The following SNX29 variants were observed in gnomAD, a reference collection of about 807,000 sequenced individuals.
SNX29 encodes sorting nexin-29.
In SNX29, 78 loss-of-function variants were observed where a neutral mutation model predicts 102.1. That is an observed-to-expected ratio of 0.76 (90% CI 0.64 to 0.92). SNX29 has a LOEUF of 0.92. Ranked by LOEUF, SNX29 falls within the 40% of genes least tolerant of loss-of-function variation. SNX29 has a pLI of 0.00. For synonymous variants in SNX29, 580 were observed against 414.5 expected, an observed-to-expected ratio of 1.40 and a Z score of -4.85; for missense variants, 1,280 against 1,061.7, an observed-to-expected ratio of 1.21 and a Z score of -2.86.
intron 4 of SNX29, chr16:12,027,812 C>T (rs1325277356): frequency 5.9e-6 from 1 of 168,858 alleles, no homozygotes; most frequent in Admixed American, 5.8e-5. Context: ...GTCTTCCATA[C>T]CAGCAACAGA....
chr16:12,232,888 C>T (rs898418114), intron 14 of SNX29, among the ~76,000 whole-genome samples: 4 of 152,216 alleles, frequency 2.6e-5, no homozygotes, highest in Non-Finnish European at 5.9e-5. Context: ...TCACAGCCCA[C>T]CCAGCATGGG....
At chr16:12,112,302 C>G (rs1045756324) in intron 11 of SNX29, among the ~76,000 whole-genome samples, 9 of 152,134 alleles carry the variant, frequency 5.9e-5, no homozygotes, top group Non-Finnish European at 8.8e-5. Flanking sequence ...CTGCCCCTAC[C>G]TCCCCTCCCT....
Position 12,568,560 on chromosome 16 carries a change from C to A in SNX29, c.2373C>A (p.Arg791=), listed in dbSNP as rs533957490. Residue 791 remains arginine (R), a synonymous_variant, in exon 21 of 21, where the codon CGC becomes CGA. Transcript: ENST00000566228. ...ACAGCCGGCCCAAAGCAGCTTCCCG[C>A]TTCCCCAAACTGTCCCGGGGTCAGC... ...PVNSRPKAAS[R]FPKLSRGQPR... 1.9e-6 allele frequency: 3 copies of A among 1,609,294 alleles called. No homozygotes were observed. The highest frequency in any genetic ancestry group is 1.6e-4 in the Middle Eastern group (1 of 6,062).
At chr16:12,024,400 C>A (rs2057130131) in intron 3 of SNX29, among the ~76,000 whole-genome samples, 1 of 152,094 alleles carries the variant, frequency 6.6e-6, no homozygotes, top group African/African-American at 2.4e-5. Context: ...CCCGCCTTGG[C>A]CTGCCAAAGT....
chr16:12,111,856 C>G (rs1335072705), intron 11 of SNX29, among the ~76,000 whole-genome samples: 2 of 152,120 alleles, frequency 1.3e-5, no homozygotes, highest in African/African-American at 2.4e-5. Context: ...GGTTGCTTCC[C>G]CAGATCCGTG....
intron 18 of SNX29, among the ~76,000 whole-genome samples, chr16:12,450,722 C>T (rs542274547): frequency 3.5e-4 from 54 of 152,164 alleles, no homozygotes; most frequent in Non-Finnish European, 6.8e-4. Context: ...AGAGCTTGGG[C>T]ATTGACCCAG....
chr16:12,171,511 G>A (rs376792737), intron 13 of SNX29, among the ~76,000 whole-genome samples: 23 of 152,352 alleles, frequency 1.5e-4, no homozygotes, highest in African/African-American at 5.5e-4. Flanking sequence ...GAGGTCTGCT[G>A]AGCACCCAGC....
At chr16:12,310,668 C>A (rs57239765) in intron 15 of SNX29, among the ~76,000 whole-genome samples, 8,029 of 152,210 alleles carry the variant, frequency 0.053, 700 homozygotes, top group African/African-American at 0.18. Context: ...TCTGAAGGAA[C>A]CTTTGGGGGT....
At chr16:12,004,948 T>C (rs2056406480) in intron 3 of SNX29, among the ~76,000 whole-genome samples, 1 of 152,238 alleles carries the variant, frequency 6.6e-6, no homozygotes, top group African/African-American at 2.4e-5. Context: ...CTGTCTTGTT[T>C]ACAGATGTTT....
At chr16:12,364,665 G>C (rs2082409023) in intron 16 of SNX29, among the ~76,000 whole-genome samples, 1 of 152,150 alleles carries the variant, frequency 6.6e-6, no homozygotes, top group Non-Finnish European at 1.5e-5. Context: ...ATTAAATGCA[G>C]TTTGTTCCCA....
At chr16:11,978,207 A>T (rs568570455) in intron 1 of SNX29, among the ~76,000 whole-genome samples, 5 of 152,100 alleles carry the variant, frequency 3.3e-5, no homozygotes, top group Admixed American at 1.3e-4. Context: ...CTTTGGTTGC[A>T]AATCAAATGA....
At chr16:12,382,985 C>G (rs192516625) in intron 16 of SNX29, among the ~76,000 whole-genome samples, 25 of 152,270 alleles carry the variant, frequency 1.6e-4, no homozygotes, top group African/African-American at 4.6e-4. Flanking sequence ...TTACAAGTCA[C>G]ATTTATAGGT....
intron 19 of SNX29, among the ~76,000 whole-genome samples, chr16:12,507,720 C>T (rs78755553): frequency 6.6e-6 from 1 of 152,256 alleles, no homozygotes; most frequent in East Asian, 1.9e-4. Flanking sequence ...AACTCCAGAA[C>T]CTTTGTCTAG....
intron 20 of SNX29, among the ~76,000 whole-genome samples, chr16:12,538,965 G>GTGA (rs1389517383): frequency 2.0e-5 from 3 of 152,334 alleles, no homozygotes; most frequent in Admixed American, 6.5e-5. Flanking sequence ...GCTAAGGCAA[G>GTGA]TGATATAAAT....
At chr16:12,335,813 G>T (rs1253378207) in intron 15 of SNX29, among the ~76,000 whole-genome samples, 1 of 152,130 alleles carries the variant, frequency 6.6e-6, no homozygotes, top group Non-Finnish European at 1.5e-5. Flanking sequence ...CAGTGAACTG[G>T]GTACCATAGT....
intron 11 of SNX29, among the ~76,000 whole-genome samples, chr16:12,092,802 A>T (rs1163881006): frequency 6.6e-6 from 1 of 152,240 alleles, no homozygotes; most frequent in African/African-American, 2.4e-5. Context: ...TTTCTTTGAT[A>T]CCAAAGACAG....
chr16:12,144,269 T>C (rs1164395373), intron 13 of SNX29, among the ~76,000 whole-genome samples: 1 of 152,156 alleles, frequency 6.6e-6, no homozygotes, highest in African/African-American at 2.4e-5. Context: ...GTTTGAAAAA[T>C]ATAAAGAATA....
At chr16:12,416,181 A>G (rs1463317394) in intron 18 of SNX29, among the ~76,000 whole-genome samples, 1 of 152,126 alleles carries the variant, frequency 6.6e-6, no homozygotes, top group East Asian at 1.9e-4. Context: ...GAGACTGCTC[A>G]TGGGCCCTCC....
chr16:12,172,895 G>A (rs1368545628), intron 13 of SNX29, among the ~76,000 whole-genome samples: 3 of 152,222 alleles, frequency 2.0e-5, no homozygotes, highest in African/African-American at 4.8e-5. Flanking sequence ...GGTCTTCGTC[G>A]CAGCTGCTCA....
Sources: allele counts gnomAD v4.1 joint callset (sites outside exome capture counted in the v4.1 genomes callset), GRCh38; gene constraint gnomAD v4.1.1; transcripts MANE v1.5; gene names NCBI Gene and HGNC (gene_info 2026-07-23, HGNC 2026-07-21).